SEC24A: variants seen among roughly 807,000 people sequenced by gnomAD.
The protein encoded by SEC24A is SEC24 homolog A, COPII component.
In SEC24A, 93 loss-of-function variants were observed where a neutral mutation model predicts 129.4. That is an observed-to-expected ratio of 0.72 (90% CI 0.61 to 0.85). SEC24A has a LOEUF of 0.85. Ranked by LOEUF, SEC24A falls within the 40% of genes least tolerant of loss-of-function variation. SEC24A has a pLI of 0.00. For missense variants in SEC24A, 1,264 were observed against 1,307.4 expected (o/e 0.97, Z 0.51); for synonymous variants, 460 against 467.3 (o/e 0.98, Z 0.20).
At chr5:134,693,483 T>G in intron 12 of SEC24A, 1 of 1,400,772 alleles carries the variant, frequency 7.1e-7, no homozygotes, top group Middle Eastern at 2.7e-4. Flanking sequence ...TTTGGACTTA[T>G]AGTCTTGCTG....
chr5:134,659,998 A>G (rs1309624391), intron 1 of SEC24A, among the ~76,000 whole-genome samples: 1 of 151,890 alleles, frequency 6.6e-6, no homozygotes, highest in African/African-American at 2.4e-5. Context: ...TATTTTGTAC[A>G]TTTTGATGGT....
intron 4 of SEC24A, among the ~76,000 whole-genome samples, chr5:134,672,253 T>C (rs1350125176): frequency 6.6e-6 from 1 of 152,098 alleles, no homozygotes; most frequent in African/African-American, 2.4e-5. Flanking sequence ...AGTGGCAGTA[T>C]CTCGGTTCAC....
At chr5:134,699,301 C>CTTTTTTTTTTTTTTTTTTTT (rs1208203003) in intron 15 of SEC24A, among the ~76,000 whole-genome samples, 3 of 138,420 alleles carry the variant, frequency 2.2e-5, no homozygotes, top group Admixed American at 7.3e-5. Flanking sequence ...CCATTTTATC[C>CTTTTTTTTTTTTTTTTTTTT]TTTTTTTTTT....
intron 18 of SEC24A, among the ~76,000 whole-genome samples, chr5:134,712,539 C>T (rs554191698): frequency 6.6e-6 from 1 of 152,242 alleles, no homozygotes; most frequent in South Asian, 2.1e-4. Context: ...CATGAGCCAC[C>T]GTGCCCGGTC....
At chr5:134,682,182 G>T (rs1156252496) in intron 8 of SEC24A, among the ~76,000 whole-genome samples, 191 bp from the exon 9 acceptor site, 1 of 151,934 alleles carries the variant, frequency 6.6e-6, no homozygotes, top group African/African-American at 2.4e-5. Context: ...GGTGGAGGTT[G>T]CAGTGAGCTG....
chr5:134,697,322 A>G, intron 14 of SEC24A, 76 bp downstream of exon 14: 3 of 1,232,958 alleles, frequency 2.4e-6, no homozygotes, highest in Non-Finnish European at 3.4e-6. Context: ...TGTTCTAAAT[A>G]TAGAACAAAG....
chr5:134,712,283 C>T (rs1234849068), intron 18 of SEC24A, among the ~76,000 whole-genome samples: 1 of 151,696 alleles, frequency 6.6e-6, no homozygotes, highest in Non-Finnish European at 1.5e-5. Flanking sequence ...TGGAGTCTCA[C>T]ACTGTCATCC....
At chr5:134,669,462 G>A (rs1366791702) in intron 3 of SEC24A, among the ~76,000 whole-genome samples, 7 of 150,068 alleles carry the variant, frequency 4.7e-5, no homozygotes, top group African/African-American at 1.5e-4. Flanking sequence ...CACTGTGCCC[G>A]GCAGAAAAAA....
At chr5:134,693,469 A>T in intron 12 of SEC24A, 1 of 1,385,024 alleles carries the variant, frequency 7.2e-7, no homozygotes, top group Non-Finnish European at 9.3e-7. Context: ...TCTTTTGGAT[A>T]CATTTTGGAC....
At chr5:134,720,041 GAAGA>G (rs1012878058) in intron 20 of SEC24A, among the ~76,000 whole-genome samples, 9 of 152,162 alleles carry the variant, frequency 5.9e-5, no homozygotes, top group Admixed American at 6.5e-5. Context: ...ATTAATTATT[GAAGA>G]AAGAAATTTT....
intron 18 of SEC24A, among the ~76,000 whole-genome samples, 188 bp from the exon 19 acceptor site, chr5:134,714,836 T>C (rs769789221): frequency 9.2e-5 from 14 of 152,128 alleles, no homozygotes; most frequent in Non-Finnish European, 1.8e-4. Context: ...TTCAAAAGAC[T>C]TTTAGGTGGG....
intron 13 of SEC24A, among the ~76,000 whole-genome samples, chr5:134,694,296 TG>T (rs1305028284): frequency 6.6e-6 from 1 of 151,992 alleles, no homozygotes; most frequent in Non-Finnish European, 1.5e-5. Flanking sequence ...GAGGCCGAGT[TG>T]GGCAGTTCAT....
intron 16 of SEC24A, 24 bp from the exon 17 acceptor site, chr5:134,705,303 G>T (rs1356383439): frequency 1.9e-6 from 3 of 1,559,092 alleles, no homozygotes; most frequent in Non-Finnish European, 2.7e-6. Flanking sequence ...GCCCCTCACT[G>T]TTGTTTGTGT....
intron 2 of SEC24A, among the ~76,000 whole-genome samples, chr5:134,665,627 G>T (rs540311585): frequency 6.6e-6 from 1 of 151,990 alleles, no homozygotes; most frequent in South Asian, 2.1e-4. Flanking sequence ...CGAGATCTCA[G>T]CTCATTGCAA....
At chr5:134,691,687 A>C (rs929064413) in intron 11 of SEC24A, among the ~76,000 whole-genome samples, 2 of 151,954 alleles carry the variant, frequency 1.3e-5, no homozygotes, top group African/African-American at 4.8e-5. Context: ...TATTTTTACT[A>C]GAGACAGGGT....
chr5:134,656,517 T>C (rs1211073082), intron 1 of SEC24A, among the ~76,000 whole-genome samples: 4 of 152,188 alleles, frequency 2.6e-5, no homozygotes, highest in Non-Finnish European at 5.9e-5. Context: ...AGTCTTGCTC[T>C]GTCAACCAGG....
At chr5:134,714,527 G>A (rs935329622) in intron 18 of SEC24A, among the ~76,000 whole-genome samples, 3 of 152,216 alleles carry the variant, frequency 2.0e-5, no homozygotes, top group African/African-American at 7.2e-5. Context: ...AGGTGGAACA[G>A]TTTCATCCCA....
chr5:134,685,546 G>A (rs1751424567), intron 9 of SEC24A, among the ~76,000 whole-genome samples: 1 of 152,156 alleles, frequency 6.6e-6, no homozygotes, highest in South Asian at 2.1e-4. Context: ...AGCATCCTTA[G>A]ATTTTGGTAT....
At chr5:134,702,716 G>C (rs1370597083) in intron 15 of SEC24A, among the ~76,000 whole-genome samples, 1 of 152,068 alleles carries the variant, frequency 6.6e-6, no homozygotes, top group Non-Finnish European at 1.5e-5. Flanking sequence ...ATTCTACCTA[G>C]TATTCAGCAG....
Sources: gnomAD v4.1 joint callset for allele counts (sites outside exome capture counted in the v4.1 genomes callset) on GRCh38, gnomAD v4.1.1 for gene constraint, MANE v1.5 for transcripts, NCBI Gene and HGNC (gene_info 2026-07-23, HGNC 2026-07-21) for gene names.